Variants in PITPNC1 observed in about 807,000 individuals in gnomAD.
PITPNC1 encodes phosphatidylinositol transfer protein cytoplasmic 1, also known as cytoplasmic phosphatidylinositol transfer protein 1.
Under a neutral mutation model 44.7 loss-of-function variants are expected in PITPNC1, and 18 were observed. That is an observed-to-expected ratio of 0.40 (90% CI 0.28 to 0.60). PITPNC1 has a LOEUF of 0.60. Among genes scored for constraint, PITPNC1 ranks in the 20% least tolerant of loss-of-function variants. The pLI, the probability that PITPNC1 is intolerant of heterozygous loss-of-function variation, is 0.39. For synonymous variants in PITPNC1, 141 were observed against 149.6 expected (o/e 0.94, Z 0.42); for missense variants, 290 against 418.4 (o/e 0.69, Z 2.68).
intron 5 of PITPNC1, among the ~76,000 whole-genome samples, chr17:67,614,452 G>A (rs1178064342): frequency 1.3e-5 from 2 of 151,948 alleles, no homozygotes; most frequent in Non-Finnish European, 2.9e-5. Flanking sequence ...GGGGAGTTTT[G>A]CTTGAGCTCA....
At chr17:67,413,433 T>TTTCTTTCTTTCTTTCTTTCTTTC (rs1364834017) in intron 1 of PITPNC1, among the ~76,000 whole-genome samples, 3 of 43,938 alleles carry the variant, frequency 6.8e-5, no homozygotes, top group African/African-American at 3.8e-4. Context: ...TTCTTTCTTT[T>TTTCTTTCTTTCTTTCTTTCTTTC]TGGAAAAGTT....
intron 7 of PITPNC1, among the ~76,000 whole-genome samples, chr17:67,672,308 T>C (rs1282635210): frequency 6.6e-6 from 1 of 151,738 alleles, no homozygotes; most frequent in Non-Finnish European, 1.5e-5. Context: ...TAATACAAAA[T>C]AAAAATAAGG....
intron 1 of PITPNC1, among the ~76,000 whole-genome samples, chr17:67,447,358 T>G (rs1051795279): frequency 4.6e-5 from 7 of 151,918 alleles, no homozygotes; most frequent in Admixed American, 2.6e-4. Context: ...CAAACAGCAG[T>G]GGTTCTCCTG....
chr17:67,630,796 C>T (rs1342404108), intron 5 of PITPNC1, among the ~76,000 whole-genome samples: 1 of 151,252 alleles, frequency 6.6e-6, no homozygotes, highest in African/African-American at 2.4e-5. Flanking sequence ...ACTGCAACCT[C>T]TGCCTCCTGG....
intron 1 of PITPNC1, among the ~76,000 whole-genome samples, chr17:67,453,144 G>T (rs1215606504): frequency 6.6e-6 from 1 of 152,118 alleles, no homozygotes; most frequent in Non-Finnish European, 1.5e-5. Flanking sequence ...AAAATGCTTA[G>T]GGTTTGTTGA....
At chr17:67,463,894 A>G (rs544509045) in intron 1 of PITPNC1, among the ~76,000 whole-genome samples, 12 of 151,528 alleles carry the variant, frequency 7.9e-5, no homozygotes, top group African/African-American at 2.9e-4. Flanking sequence ...ACCCCATTTC[A>G]AAAAAGAAAA....
At chr17:67,592,540 T>G (rs767790867) in intron 5 of PITPNC1, among the ~76,000 whole-genome samples, 5 of 152,180 alleles carry the variant, frequency 3.3e-5, no homozygotes, top group African/African-American at 4.8e-5. Flanking sequence ...AGACAAATTT[T>G]GAACAAAGAA....
chr17:67,660,921 C>T (rs1026374130), intron 6 of PITPNC1, among the ~76,000 whole-genome samples: 9 of 149,862 alleles, frequency 6.0e-5, no homozygotes, highest in African/African-American at 1.5e-4. Flanking sequence ...TGCAGTGATG[C>T]GATCTTGGCT....
chr17:67,689,849 A>T (rs1159866195), intron 8 of PITPNC1, among the ~76,000 whole-genome samples: 5 of 152,184 alleles, frequency 3.3e-5, no homozygotes, highest in Admixed American at 2.0e-4. Flanking sequence ...AACATAACAT[A>T]CCCTGATACA....
intron 6 of PITPNC1, among the ~76,000 whole-genome samples, chr17:67,660,518 T>TTTTATTTTATTTATTTA (rs1271950871): frequency 1.0e-4 from 14 of 139,380 alleles, no homozygotes; most frequent in African/African-American, 3.5e-4. Context: ...TTTTATTTTA[T>TTTTATTTTATTTATTTA]TTTATTTATT....
chr17:67,608,145 G>C (rs758249857), intron 5 of PITPNC1, among the ~76,000 whole-genome samples: 1 of 150,178 alleles, frequency 6.7e-6, no homozygotes, highest in Non-Finnish European at 1.5e-5. Context: ...ACTATTATCT[G>C]ATAGAGAGGC....
chr17:67,403,627 C>T (rs1224207528), intron 1 of PITPNC1, among the ~76,000 whole-genome samples: 1 of 152,212 alleles, frequency 6.6e-6, no homozygotes, highest in Non-Finnish European at 1.5e-5. Context: ...TGCAGTTATC[C>T]TCCAAGGTGG....
intron 4 of PITPNC1, among the ~76,000 whole-genome samples, chr17:67,560,414 A>C (rs1195225228): frequency 6.6e-6 from 1 of 152,204 alleles, no homozygotes; most frequent in East Asian, 1.9e-4. Flanking sequence ...GAAGTGTTTT[A>C]TTTTTAGAAT....
At chr17:67,405,784 T>G (rs1282052729) in intron 1 of PITPNC1, among the ~76,000 whole-genome samples, 2 of 151,950 alleles carry the variant, frequency 1.3e-5, no homozygotes, top group African/African-American at 4.8e-5. Context: ...TTTTTGTATT[T>G]TTAGTAGAGA....
At chr17:67,408,524 C>T (rs1164801453) in intron 1 of PITPNC1, among the ~76,000 whole-genome samples, 2 of 152,018 alleles carry the variant, frequency 1.3e-5, no homozygotes, top group African/African-American at 2.4e-5. Context: ...AGTGAGACTC[C>T]GTCTCAAAAC....
At chr17:67,627,574 C>T (rs1325628992) in intron 5 of PITPNC1, among the ~76,000 whole-genome samples, 2 of 152,206 alleles carry the variant, frequency 1.3e-5, no homozygotes, top group East Asian at 3.8e-4. Context: ...AGGACACACA[C>T]TTTTTAAGTA....
chr17:67,437,858 A>G (rs1295050889), intron 1 of PITPNC1, among the ~76,000 whole-genome samples: 4 of 152,152 alleles, frequency 2.6e-5, no homozygotes, highest in Non-Finnish European at 2.9e-5. Context: ...ACTTGAGGTC[A>G]GGAGTTGGAG....
intron 1 of PITPNC1, chr17:67,471,637 G>T: frequency 2.9e-6 from 1 of 340,798 alleles, no homozygotes; most frequent in Non-Finnish European, 5.6e-6. Context: ...GCTAAATCAG[G>T]TTGACATCAT....
intron 1 of PITPNC1, among the ~76,000 whole-genome samples, chr17:67,495,706 A>G (rs1345851235): frequency 1.3e-5 from 2 of 152,208 alleles, no homozygotes; most frequent in Non-Finnish European, 2.9e-5. Context: ...CTTGCAAAGG[A>G]CGTGATCTCA....
Sources: allele counts gnomAD v4.1 joint callset (sites outside exome capture counted in the v4.1 genomes callset), GRCh38; gene constraint gnomAD v4.1.1; transcripts MANE v1.5; gene names NCBI Gene and HGNC (gene_info 2026-07-23, HGNC 2026-07-21).